The following MYCBP2 variants were observed in gnomAD, a reference collection of about 807,000 sequenced individuals.
MYCBP2 encodes the protein MYC binding protein 2, also known as E3 ubiquitin-protein ligase MYCBP2.
In MYCBP2, 120 loss-of-function variants were observed where a neutral mutation model predicts 525.3. The observed-to-expected ratio is 0.23, with a 90% CI of 0.20 to 0.27. The LOEUF (loss-of-function observed/expected upper bound fraction) is 0.27, where lower values mean the gene tolerates loss of function less well. Ranked by LOEUF, MYCBP2 falls within the 10% of genes least tolerant of loss-of-function variation. MYCBP2 has a pLI of 1.00. For missense variants in MYCBP2, 4,149 were observed against 5,657.1 expected (o/e 0.73, Z 8.55); for synonymous variants, 1,894 against 1,955.8 (o/e 0.97, Z 0.83).
intron 55 of MYCBP2, among the ~76,000 whole-genome samples, chr13:77,102,911 G>T (rs893104492): frequency 7.9e-5 from 12 of 151,656 alleles, no homozygotes; most frequent in Non-Finnish European, 1.6e-4. Context: ...CCCCAATTAG[G>T]TAATTCTTTC....
At chr13:77,217,772 A>C in intron 21 of MYCBP2, 68 bp downstream of exon 21, 1 of 897,914 alleles carries the variant, frequency 1.1e-6, no homozygotes, top group Non-Finnish European at 1.7e-6. Context: ...CAGAAAAAAG[A>C]GCTAATATAG....
chr13:77,136,852 C>T (rs2053833038), intron 52 of MYCBP2, among the ~76,000 whole-genome samples: 1 of 152,172 alleles, frequency 6.6e-6, no homozygotes. Flanking sequence ...GAAGCAAGCT[C>T]TCTAAGGTGC....
In MYCBP2 at chr13:77,225,466, T is replaced by C. The variant is rs1347988597; in HGVS notation, c.2826A>G (p.Ala942=). 4 of 1,613,638 alleles carry C rather than the reference T, an allele frequency of 2.5e-6. No individual in the cohort carries two copies. The highest frequency in any genetic ancestry group is 3.4e-6 in the Non-Finnish European group (4 of 1,179,766). Residue 942 remains alanine (A), a synonymous_variant, in exon 19 of 83, where the codon GCA becomes GCG. Transcript: ENST00000544440. Reference sequence around the variant, plus strand: ...GGTGAAATCCACAGCTGACTTGGACTGCCCGGAGCTCACAGTCAAATCGCA... The same window carrying C: ...GGTGAAATCCACAGCTGACTTGGACCGCCCGGAGCTCACAGTCAAATCGCA... ...GSVRFDCELR[A]VQVSCGFHHS...
chr13:77,166,774 A>G (rs1019504136), intron 40 of MYCBP2, among the ~76,000 whole-genome samples: 1 of 152,210 alleles, frequency 6.6e-6, no homozygotes, highest in East Asian at 1.9e-4. Context: ...ATTTGACTTC[A>G]AAGTATGTAA....
rs964218039 is a variant in MYCBP2 at position 77,097,720 on chromosome 13, G to A, written c.9434C>T (p.Ser3145Phe). 2.5e-6 allele frequency: 4 copies of A among 1,613,516 alleles called. No homozygotes were observed. The African/African-American group carries it at 5.3e-5, about 22-fold the overall frequency. Residue 3145 changes from serine to phenylalanine, a missense_variant, in exon 56 of 83, where the codon TCC becomes TTC. Ser to Phe is a radical substitution (Grantham distance 155). Transcript: ENST00000544440. ...DGKTETTFEM[S>F]MHNTMKSKSP... ...CTTAGACTTCATTGTGTTATGCATG[G>A]ACATTTCAAAAGTGGTCTCGGTTTT... is the stretch of plus-strand genomic sequence containing the variant.
At chr13:77,287,167 G>C (rs191044302) in intron 3 of MYCBP2, among the ~76,000 whole-genome samples, 10 of 149,716 alleles carry the variant, frequency 6.7e-5, no homozygotes, top group African/African-American at 2.2e-4. Flanking sequence ...GATTACAGGC[G>C]TGAGCCATTA....
chr13:77,317,619 G>A (rs1056957784), intron 1 of MYCBP2, among the ~76,000 whole-genome samples: 33 of 152,134 alleles, frequency 2.2e-4, no homozygotes, highest in African/African-American at 8.0e-4. Flanking sequence ...GGTGCAAGAT[G>A]GGACAAATGA....
intron 15 of MYCBP2, among the ~76,000 whole-genome samples, chr13:77,250,027 T>C (rs1421592276): frequency 6.6e-6 from 1 of 151,768 alleles, no homozygotes; most frequent in African/African-American, 2.4e-5. Context: ...ATCGAGACCA[T>C]CCCGGCTAAA....
At chr13:77,244,656 T>C (rs1324107050) in intron 15 of MYCBP2, among the ~76,000 whole-genome samples, 1 of 152,114 alleles carries the variant, frequency 6.6e-6, no homozygotes, top group African/African-American at 2.4e-5. Context: ...AAAGCCAAAA[T>C]TGACAAATGG....
chr13:77,168,439 T>C lies in MYCBP2; in HGVS notation c.6103A>G (p.Met2035Val). The change falls in exon 40 of 83, where the codon ATG (methionine) becomes GTG (valine). Residue 2035 changes from methionine to valine, a missense_variant. By Grantham distance (21) the Met-to-Val change is conservative. This residue lies in a region of MYCBP2 where 692 missense variants were observed against 852.7 expected (regional missense o/e 0.81). Coordinates refer to ENST00000544440, the MANE Select transcript of MYCBP2 (RefSeq NM_015057.5). Reference sequence around the variant, plus strand: ...GAACCGGTGCCTACCTTGTAATGCATCACACAGGCAGGTTTATACGGGTGC... The same window carrying C: ...GAACCGGTGCCTACCTTGTAATGCACCACACAGGCAGGTTTATACGGGTGC... Reference protein sequence around the residue: ...SEHPYKPACVMHYKVTFPECV... With the variant: ...SEHPYKPACVVHYKVTFPECV... 1.2e-6 allele frequency: 2 copies of C among 1,613,956 alleles called. No individual in the cohort carries two copies. The highest frequency in any genetic ancestry group is 2.2e-5 in the South Asian group (2 of 91,054).
At chr13:77,162,511 A>G (rs2058055016) in intron 43 of MYCBP2, among the ~76,000 whole-genome samples, 1 of 152,272 alleles carries the variant, frequency 6.6e-6, no homozygotes, top group African/African-American at 2.4e-5. Context: ...CAAATTGTAT[A>G]GGAGTGTAGA....
intron 78 of MYCBP2, among the ~76,000 whole-genome samples, chr13:77,057,308 G>A (rs747125473): frequency 4.6e-5 from 7 of 152,062 alleles, no homozygotes; most frequent in Non-Finnish European, 8.8e-5. Context: ...CTAGGCCTTT[G>A]GCTTCTCCTG....
intron 52 of MYCBP2, chr13:77,129,834 A>G (rs2052433852): frequency 6.6e-6 from 1 of 151,940 alleles, no homozygotes; most frequent in African/African-American, 2.4e-5. Context: ...AACAAATTTG[A>G]TAAGAAAAAC....
chr13:77,239,452 C>T (rs149349473), intron 17 of MYCBP2, among the ~76,000 whole-genome samples: 2 of 152,250 alleles, frequency 1.3e-5, no homozygotes, highest in East Asian at 3.9e-4. Flanking sequence ...AGAGAAGAGC[C>T]TTAGAACACT....
chr13:77,061,804 T>G lies in MYCBP2; in HGVS notation c.12775-14A>C. On this transcript the variant is annotated splice_polypyrimidine_tract_variant and intron_variant, in intron 74 of 82. Coordinates refer to ENST00000544440, the MANE Select transcript of MYCBP2 (RefSeq NM_015057.5). The stretch of plus-strand genomic sequence containing the variant: ...ATCACACATAGGCTAAAATAAGACA[T>G]TTCCACGTTACTTAGATTAACAAGC... 6.4e-7 allele frequency: 1 copy of G among 1,562,682 alleles called. No homozygotes were observed. The highest frequency in any genetic ancestry group is 8.7e-7 in the Non-Finnish European group (1 of 1,148,048).
chr13:77,048,511 T>C (rs1209393713), intron 82 of MYCBP2, among the ~76,000 whole-genome samples: 1 of 152,212 alleles, frequency 6.6e-6, no homozygotes, highest in African/African-American at 2.4e-5. Context: ...CTCACATCCC[T>C]GTGGGATCTC....
At chr13:77,268,052 T>C (rs2074348432) in intron 7 of MYCBP2, 115 bp from the exon 8 acceptor site, 5 of 615,462 alleles carry the variant, frequency 8.1e-6, no homozygotes, top group Non-Finnish European at 1.4e-5. Context: ...TCAATATTGA[T>C]GTCTAAAAGA....
chr13:77,175,850 G>A (rs1371921385), intron 36 of MYCBP2, among the ~76,000 whole-genome samples: 1 of 151,638 alleles, frequency 6.6e-6, no homozygotes, highest in Non-Finnish European at 1.5e-5. Flanking sequence ...CCAGCTACTC[G>A]GGAGGCTGAC....
intron 3 of MYCBP2, 25 bp downstream of exon 3, chr13:77,288,136 A>C: frequency 6.2e-7 from 1 of 1,609,454 alleles, no homozygotes. Flanking sequence ...ACACATCTAA[A>C]TATTAATAGA....
Sources: gnomAD v4.1 joint callset for allele counts (sites outside exome capture counted in the v4.1 genomes callset) on GRCh38, gnomAD v4.1.1 for gene constraint, gnomAD v4.1.1 regional missense constraint, MANE v1.5 for transcripts, NCBI Gene and HGNC (gene_info 2026-07-23, HGNC 2026-07-21) for gene names.